Variants in NYAP2 observed in about 807,000 individuals in gnomAD.
The protein encoded by NYAP2 is neuronal tyrosine-phosphorylated phosphoinositide-3-kinase adaptor 2.
In NYAP2, 23 loss-of-function variants were observed where a neutral mutation model predicts 50.4. That is an observed-to-expected ratio of 0.46 (90% confidence interval 0.33 to 0.65). The LOEUF (loss-of-function observed/expected upper bound fraction) is 0.65. NYAP2 is among the 30% of genes least tolerant of loss of function. NYAP2 has a pLI of 0.02. For missense variants in NYAP2, 885 were observed against 861.0 expected (o/e 1.03, Z -0.35); for synonymous variants, 394 against 365.2 (o/e 1.08, Z -0.90).
intron 3 of NYAP2, among the ~76,000 whole-genome samples, chr2:225,481,396 C>A (rs1281565103): frequency 1.5e-4 from 23 of 152,108 alleles, no homozygotes; most frequent in Admixed American, 1.2e-3. Flanking sequence ...ATAATACTCT[C>A]TAAAGTCCAG....
At chr2:225,677,432 G>T in the NYAP2 span, among the ~76,000 whole-genome samples, 1 of 152,048 alleles carries the variant, frequency 6.6e-6, no homozygotes, top group Non-Finnish European at 1.5e-5. Flanking sequence ...CCCTGGCTAG[G>T]ACTTCCAGTA....
chr2:225,480,539 A>G (rs1255480422), intron 3 of NYAP2, among the ~76,000 whole-genome samples: 1 of 152,096 alleles, frequency 6.6e-6, no homozygotes, highest in Non-Finnish European at 1.5e-5. Context: ...AGCATAAAGG[A>G]ATATTGAGGC....
At chr2:225,410,019 T>A (rs1695008233) in intron 3 of NYAP2, among the ~76,000 whole-genome samples, 1 of 152,146 alleles carries the variant, frequency 6.6e-6, no homozygotes, top group Middle Eastern at 3.2e-3. Context: ...GCATTAATAC[T>A]TTTGCTTATC....
chr2:225,492,522 T>G (rs1690427486), intron 3 of NYAP2, among the ~76,000 whole-genome samples: 1 of 152,160 alleles, frequency 6.6e-6, no homozygotes, highest in South Asian at 2.1e-4. Context: ...CTCTGATAAT[T>G]TAGGTGTTAT....
intron 4 of NYAP2, among the ~76,000 whole-genome samples, chr2:225,520,000 A>G (rs540528594): frequency 6.6e-6 from 1 of 152,076 alleles, no homozygotes; most frequent in East Asian, 1.9e-4. Context: ...TGTGGTTTTG[A>G]TTTGCATTTC....
At chr2:225,572,192 C>A (rs1692085269) in intron 4 of NYAP2, among the ~76,000 whole-genome samples, 1 of 152,222 alleles carries the variant, frequency 6.6e-6, no homozygotes. Flanking sequence ...TTCTTCCAAG[C>A]CCTCCAAACT....
rs557419422 is a variant in NYAP2 at position 225,421,109 on chromosome 2, C to T, written c.221+12008C>T. 2.6e-5 allele frequency among the ~76,000 whole-genome samples: 4 copies of T among 151,942 alleles called. No individual in the cohort carries two copies. The East Asian group carries it at 7.8e-4, about 30-fold the overall frequency. On this transcript the variant is annotated intron_variant, in intron 3 of 6. Transcript: ENST00000636099. ...AGCTAATGGTAGAGAAGGGATCTCA[C>T]TATGTTGCCCAGGCTGGCCTTGAAG... is the stretch of plus-strand genomic sequence containing the variant.
chr2:225,617,277 T>A (rs1320093592), intron 5 of NYAP2, among the ~76,000 whole-genome samples: 1 of 151,658 alleles, frequency 6.6e-6, no homozygotes, highest in Non-Finnish European at 1.5e-5. Flanking sequence ...AAAAATAAAT[T>A]AAAAAGCTGG....
chr2:225,514,918 GTGACA>G (rs1690900706), intron 4 of NYAP2, among the ~76,000 whole-genome samples: 1 of 152,130 alleles, frequency 6.6e-6, no homozygotes, highest in Non-Finnish European at 1.5e-5. Context: ...AGTGTTCATT[GTGACA>G]TGGGCTCCCT....
At position 225,582,525 on chromosome 2, in the gene NYAP2, T is replaced by C. The variant is rs1337664722; in HGVS notation, c.1108T>C (p.Ser370Pro). Residue 370 changes from serine (S) to proline (P), a missense_variant, in exon 5 of 7, where the codon TCT becomes CCT. Ser to Pro is a moderately conservative substitution (Grantham distance 74, BLOSUM62 -1). Transcript: ENST00000636099. The surrounding 1 kb of genome is among the most constrained non-coding windows in gnomAD (Gnocchi z 7.0). ...GAAGCTTCCCGTGCTGGAAAACGTG[T>C]CTTACATGAAACAGCCAGCCGGGGC... 1.3e-6 allele frequency: 2 copies of C among 1,557,974 alleles called. No individual in the cohort carries two copies. Among genetic ancestry groups the C allele is most frequent in the Non-Finnish European group, 1.7e-6 (2 of 1,151,152 alleles).
At chr2:225,638,488 G>A (rs1324639898) in intron 6 of NYAP2, among the ~76,000 whole-genome samples, 1 of 152,032 alleles carries the variant, frequency 6.6e-6, no homozygotes, top group Non-Finnish European at 1.5e-5. Context: ...GTTTTCTATG[G>A]ACCAGATTTG....
At chr2:225,654,884 A>G (rs1404743558), downstream of NYAP2, among the ~76,000 whole-genome samples, 1 of 152,138 alleles carries the variant, frequency 6.6e-6, no homozygotes, top group Non-Finnish European at 1.5e-5. Flanking sequence ...ATCTCTGTTC[A>G]GTTTTCTTGG....
At chr2:225,461,126 A>T (rs1316363861) in intron 3 of NYAP2, among the ~76,000 whole-genome samples, 1 of 152,198 alleles carries the variant, frequency 6.6e-6, no homozygotes, top group Non-Finnish European at 1.5e-5. Flanking sequence ...TTCTGCTTAA[A>T]GCTAAATGAT....
intron 5 of NYAP2, among the ~76,000 whole-genome samples, chr2:225,591,700 C>T (rs147589276): frequency 6.6e-5 from 10 of 152,180 alleles, no homozygotes; most frequent in African/African-American, 1.9e-4. Flanking sequence ...ATCTGGGATT[C>T]GAACCCCGAT....
intron 3 of NYAP2, among the ~76,000 whole-genome samples, chr2:225,440,476 A>G (rs919245162): frequency 1.3e-5 from 2 of 152,214 alleles, no homozygotes; most frequent in African/African-American, 4.8e-5. Context: ...TCCTTGGAGA[A>G]GCATTGTGGT....
chr2:225,454,144 C>A (rs1041044808), intron 3 of NYAP2, among the ~76,000 whole-genome samples: 3 of 151,664 alleles, frequency 2.0e-5, no homozygotes, highest in African/African-American at 7.3e-5. Flanking sequence ...GACAACATAG[C>A]GAGACCCTAT....
chr2:225,456,643 T>C (rs1205667866), intron 3 of NYAP2, among the ~76,000 whole-genome samples: 3 of 152,146 alleles, frequency 2.0e-5, no homozygotes, highest in Admixed American at 2.0e-4. Flanking sequence ...TACAACCACG[T>C]GTGCTGTCTG....
At chr2:225,416,418 T>C (rs775159907) in intron 3 of NYAP2, among the ~76,000 whole-genome samples, 1 of 152,122 alleles carries the variant, frequency 6.6e-6, no homozygotes, top group Non-Finnish European at 1.5e-5. Context: ...ATGGGAAAAG[T>C]TAATCTAAGG....
At chr2:225,639,541 G>A (rs1693488797) in intron 6 of NYAP2, among the ~76,000 whole-genome samples, 1 of 152,030 alleles carries the variant, frequency 6.6e-6, no homozygotes, top group African/African-American at 2.4e-5. Context: ...TCACTGATAA[G>A]TAGTAGATTC....
Sources: gnomAD v4.1 joint callset for allele counts (sites outside exome capture counted in the v4.1 genomes callset) on GRCh38, gnomAD v4.1.1 for gene constraint, Gnocchi (gnomAD v3.1) non-coding constraint, MANE v1.5 for transcripts, NCBI Gene and HGNC (gene_info 2026-07-23, HGNC 2026-07-21) for gene names.